Variants in ADAM32 observed in about 807,000 individuals in gnomAD.
ADAM32 encodes the protein disintegrin and metalloproteinase domain-containing protein 32.
Under a neutral mutation model 114.9 loss-of-function variants are expected in ADAM32, and 89 were observed. That is an observed-to-expected ratio of 0.77 (90% CI 0.65 to 0.92). The LOEUF (loss-of-function observed/expected upper bound fraction) is 0.92, where lower values mean the gene tolerates loss of function less well. Among genes scored for constraint, ADAM32 ranks in the 40% least tolerant of loss-of-function variants. The pLI is 0.00. For missense variants in ADAM32, 870 were observed against 932.8 expected (o/e 0.93, Z 0.88); for synonymous variants, 285 against 307.5 (o/e 0.93, Z 0.77).
At chr8:39,161,643 T>C (rs867179353) in intron 7 of ADAM32, among the ~76,000 whole-genome samples, 2 of 152,320 alleles carry the variant, frequency 1.3e-5, no homozygotes, top group Middle Eastern at 3.4e-3. Context: ...AAGCCTTTAT[T>C]TGTGTATACC....
intron 10 of ADAM32, among the ~76,000 whole-genome samples, chr8:39,185,132 G>A (rs997784273): frequency 3.3e-5 from 5 of 152,108 alleles, no homozygotes; most frequent in African/African-American, 4.8e-5. Flanking sequence ...AGGCATAGTG[G>A]TGGGTGCCTG....
intron 19 of ADAM32, among the ~76,000 whole-genome samples, chr8:39,263,171 A>C (rs1812150896): frequency 6.6e-6 from 1 of 152,188 alleles, no homozygotes; most frequent in Non-Finnish European, 1.5e-5. Context: ...GATGGTTATT[A>C]CTGAATTTTT....
intron 10 of ADAM32, among the ~76,000 whole-genome samples, chr8:39,184,234 T>A (rs1165760737): frequency 6.6e-6 from 1 of 152,242 alleles, no homozygotes; most frequent in Non-Finnish European, 1.5e-5. Flanking sequence ...AACACTAATA[T>A]AAGTAGTATG....
chr8:39,157,761 G>T, intron 6 of ADAM32: 1 of 1,380,730 alleles, frequency 7.2e-7, no homozygotes, highest in Non-Finnish European at 1.0e-6. Context: ...CAAAGTCATT[G>T]GTCACTTCAC....
chr8:39,257,276 G>GC lies in ADAM32; in HGVS notation c.2096dup (p.Ile700AsnfsTer21), dbSNP rs1811711650. On this transcript the variant is annotated frameshift_variant, in exon 19 of 25. Transcript: ENST00000379907. LOFTEE classifies it high-confidence loss of function. Reference sequence around the variant, plus strand: ...TCTTCCTATTCTCATTGTAACAACCGCAATAGTTTTGGCAAGGAAACAGTT... The same window carrying GC: ...TCTTCCTATTCTCATTGTAACAACCGCCAATAGTTTTGGCAAGGAAACAGTT... The GC allele has an allele frequency of 6.2e-7, 1 of 1,612,538 alleles. No homozygotes were observed. Among genetic ancestry groups the GC allele is most frequent in the Admixed American group, 1.7e-5 (1 of 59,846 alleles).
rs546825917 is a variant in ADAM32 at position 39,115,588 on chromosome 8, G to GT, written c.59-2485dup. ...ATGTCATTGGCCCATTTTTTAATGG[G>GT]TTTTTTTTTTTTTGCTTGTTGAATT... is the stretch of plus-strand genomic sequence containing the variant. On this transcript the variant is annotated intron_variant, in intron 1 of 24. Coordinates refer to ENST00000379907, the MANE Select transcript of ADAM32 (RefSeq NM_145004.7). Among the ~76,000 whole-genome samples, 834 of 141,890 alleles carry GT rather than the reference G, an allele frequency of 5.9e-3. 4 individuals carry two copies. Among genetic ancestry groups the GT allele is most frequent in the East Asian group, 0.017 (83 of 4,952 alleles). The allele number at this position is 141,890 out of a possible 152,430, so 93.1% of individuals were successfully genotyped here.
chr8:39,277,113 T>A (rs1490144321), intron 22 of ADAM32, among the ~76,000 whole-genome samples: 1 of 152,200 alleles, frequency 6.6e-6, no homozygotes. Context: ...CATGATGATG[T>A]TGTCGCTTCC....
intron 23 of ADAM32, among the ~76,000 whole-genome samples, 152 bp downstream of exon 23, chr8:39,281,326 T>C (rs1371834098): frequency 6.6e-6 from 1 of 152,198 alleles, no homozygotes; most frequent in Admixed American, 6.5e-5. Flanking sequence ...TTTCCCATTC[T>C]ACAAGCATTA....
At chr8:39,186,226 C>A (rs1287223174) in intron 10 of ADAM32, among the ~76,000 whole-genome samples, 1 of 152,200 alleles carries the variant, frequency 6.6e-6, no homozygotes, top group Non-Finnish European at 1.5e-5. Flanking sequence ...GTCACCATAG[C>A]AATTAAATGT....
At chr8:39,256,629 C>T (rs1202469299) in intron 18 of ADAM32, among the ~76,000 whole-genome samples, 1 of 152,008 alleles carries the variant, frequency 6.6e-6, no homozygotes, top group Non-Finnish European at 1.5e-5. Context: ...TTCTTCTCCT[C>T]ATGGAGTTTA....
intron 17 of ADAM32, among the ~76,000 whole-genome samples, chr8:39,247,839 G>T (rs1811027587): frequency 6.6e-6 from 1 of 150,658 alleles, no homozygotes; most frequent in South Asian, 2.1e-4. Flanking sequence ...TTACATTTAG[G>T]CCTATGACCC....
chr8:39,202,965 G>A (rs1251499132), intron 11 of ADAM32, among the ~76,000 whole-genome samples: 1 of 152,194 alleles, frequency 6.6e-6, no homozygotes, highest in Admixed American at 6.5e-5. Flanking sequence ...TTAATCCTGA[G>A]TTCTAGTTTG....
intron 12 of ADAM32, among the ~76,000 whole-genome samples, chr8:39,213,326 G>T (rs1808351583): frequency 1.3e-5 from 2 of 151,938 alleles, no homozygotes; most frequent in Admixed American, 6.6e-5. Context: ...TTTTATTTGT[G>T]CTGGGAATAT....
intron 1 of ADAM32, among the ~76,000 whole-genome samples, chr8:39,113,490 A>G (rs1160063808): frequency 6.6e-6 from 1 of 152,070 alleles, no homozygotes; most frequent in Non-Finnish European, 1.5e-5. Context: ...TGAATTCAAA[A>G]ACTCAAAACG....
intron 6 of ADAM32, chr8:39,158,813 A>G (rs1348060498): frequency 1.3e-5 from 2 of 152,200 alleles, no homozygotes; most frequent in East Asian, 1.9e-4. Context: ...CAACTATGTT[A>G]TTGAATCCTA....
At chr8:39,107,549 G>T, upstream of ADAM32, 1 of 1,293,246 alleles carries the variant, frequency 7.7e-7, no homozygotes, top group Non-Finnish European at 1.0e-6. Flanking sequence ...GCAACCACGC[G>T]GCTGGGGTGC....
chr8:39,131,875 A>C (rs1202802535), intron 2 of ADAM32: 1 of 178,628 alleles, frequency 5.6e-6, no homozygotes, highest in Non-Finnish European at 1.2e-5. Flanking sequence ...CCTTGTAGAC[A>C]TCATGTAATT....
chr8:39,238,402 C>G (rs1216239407), intron 16 of ADAM32, among the ~76,000 whole-genome samples: 2 of 152,180 alleles, frequency 1.3e-5, no homozygotes, highest in African/African-American at 4.8e-5. Context: ...CAAGGGATTA[C>G]CCTGTGGGAC....
At position 39,218,023 on chromosome 8, in the gene ADAM32, A is replaced by G. The variant is rs977267366; in HGVS notation, c.1234-3587A>G. Among the ~76,000 whole-genome samples the G allele has an allele frequency of 5.0e-4, 76 of 152,078 alleles. 1 individual carries two copies. Among genetic ancestry groups the G allele is most frequent in the African/African-American group, 1.8e-3 (73 of 41,494 alleles). On this transcript the variant is annotated intron_variant, in intron 12 of 24. Coordinates refer to ENST00000379907, the MANE Select transcript of ADAM32 (RefSeq NM_145004.7). ...GCCATCCTCCTTGGGAAGGTTTTCCAGAGTATTTGAAAGGACTTAAGTGCT... is the reference window on the plus strand; with the variant it reads ...GCCATCCTCCTTGGGAAGGTTTTCCGGAGTATTTGAAAGGACTTAAGTGCT...
Sources: allele counts gnomAD v4.1 joint callset (sites outside exome capture counted in the v4.1 genomes callset), GRCh38; gene constraint gnomAD v4.1.1; transcripts MANE v1.5; gene names NCBI Gene and HGNC (gene_info 2026-07-23, HGNC 2026-07-21).